Variants in NMD3 observed in about 807,000 individuals in gnomAD.
NMD3 encodes NMD3 ribosome export adaptor.
In NMD3, 47 loss-of-function variants were observed where a neutral mutation model predicts 73.1. The observed-to-expected ratio is 0.64, with a 90% CI of 0.51 to 0.82. The LOEUF is 0.82. NMD3 is among the 40% of genes least tolerant of loss of function. The pLI is 0.00. For missense variants in NMD3, 554 were observed against 612.5 expected (o/e 0.90, Z 1.01); for synonymous variants, 210 against 194.5 (o/e 1.08, Z -0.66).
At chr3:161,224,594 T>C in intron 2 of NMD3, among the ~76,000 whole-genome samples, 1 of 152,102 alleles carries the variant, frequency 6.6e-6, no homozygotes, top group Non-Finnish European at 1.5e-5. Context: ...GGGTTTGATA[T>C]GCATGCCTCA....
chr3:161,230,110 T>G (rs1166811327), intron 4 of NMD3, among the ~76,000 whole-genome samples: 1 of 152,156 alleles, frequency 6.6e-6, no homozygotes, highest in Non-Finnish European at 1.5e-5. Context: ...TGTTATTTTA[T>G]TTTTTGGAGA....
intron 13 of NMD3, 44 bp downstream of exon 13, chr3:161,247,374 T>A: frequency 8.5e-7 from 1 of 1,172,836 alleles, no homozygotes; most frequent in Non-Finnish European, 1.3e-6. Flanking sequence ...TTAAAGAGGA[T>A]GAATGTAACT....
At position 161,235,043 on chromosome 3, in the gene NMD3, C is replaced by G. The variant is rs959606946; in HGVS notation, c.487-79C>G. 8 of 861,696 alleles carry G rather than the reference C, an allele frequency of 9.3e-6. No individual in the cohort carries two copies. The African/African-American group carries it at 1.4e-4, about 15-fold the overall frequency. 53.4% of individuals were successfully genotyped at this position (861,696 alleles called of 1,614,324 possible). On this transcript the variant is annotated intron_variant, in intron 6 of 15. Transcript: ENST00000351193. ...TGTTTGAAAAATCAGTATGCTCTAT[C>G]TGTAGATAGTATGTGTGTCCTATAC...
chr3:161,239,548 C>T (rs1332752413), intron 9 of NMD3, among the ~76,000 whole-genome samples: 1 of 152,106 alleles, frequency 6.6e-6, no homozygotes, highest in Non-Finnish European at 1.5e-5. Flanking sequence ...TCACCTCATT[C>T]TCATCTCATA....
At chr3:161,225,114 G>A in intron 3 of NMD3, 50 bp downstream of exon 3, 3 of 1,544,304 alleles carry the variant, frequency 1.9e-6, no homozygotes, top group East Asian at 2.4e-5. Flanking sequence ...TTTACATTTA[G>A]AGAACCACCG....
At chr3:161,236,021 G>A (rs1415504305) in intron 7 of NMD3, among the ~76,000 whole-genome samples, 1 of 151,506 alleles carries the variant, frequency 6.6e-6, no homozygotes, top group Non-Finnish European at 1.5e-5. Flanking sequence ...ACTCTATTTA[G>A]TTCTGTTTTG....
chr3:161,242,832 GTTAGAC>G (rs768988498), intron 11 of NMD3, among the ~76,000 whole-genome samples, 179 bp downstream of exon 11: 21 of 151,404 alleles, frequency 1.4e-4, no homozygotes, highest in Non-Finnish European at 2.5e-4. Context: ...TGTGGAAATT[GTTAGAC>G]TTAGACTGTT....
At chr3:161,248,241 G>C (rs1737334903) in intron 13 of NMD3, among the ~76,000 whole-genome samples, 1 of 152,012 alleles carries the variant, frequency 6.6e-6, no homozygotes, top group Non-Finnish European at 1.5e-5. Flanking sequence ...TGTAATCCTA[G>C]CACTCTGGGA....
intron 2 of NMD3, among the ~76,000 whole-genome samples, chr3:161,222,678 C>T (rs1293880347): frequency 2.0e-5 from 3 of 151,902 alleles, no homozygotes; most frequent in African/African-American, 4.8e-5. Flanking sequence ...ATCCTGGAAT[C>T]GTTCAGCACA....
chr3:161,233,909 T>G (rs1193614224), intron 5 of NMD3, among the ~76,000 whole-genome samples: 1 of 151,044 alleles, frequency 6.6e-6, no homozygotes, highest in African/African-American at 2.5e-5. Flanking sequence ...TGCATTATAC[T>G]TAACTGGTTG....
At position 161,222,079 on chromosome 3, in the gene NMD3, TC is replaced by T. The variant is rs566292962; in HGVS notation, c.44+27del. On this transcript the variant is annotated intron_variant, in intron 2 of 15. Transcript: ENST00000351193. ...ACATGTGAGTGCGACACTTCTTCCT[TC>T]CCCCTTAAATGTGAAAATCTTCAGT... 1.9e-6 allele frequency: 3 copies of T among 1,592,442 alleles called. No individual in the cohort carries two copies. The East Asian group carries it at 6.7e-5, about 36-fold the overall frequency.
At position 161,249,572 on chromosome 3, in the gene NMD3, C is replaced by G. The variant is rs753616067; in HGVS notation, c.1310+12C>G. 7.0e-7 allele frequency: 1 copy of G among 1,435,220 alleles called. No individual in the cohort carries two copies. The highest frequency in any genetic ancestry group is 2.3e-5 in the East Asian group (1 of 43,360). The allele number at this position is 1,435,220 out of a possible 1,614,324, so 88.9% of individuals were successfully genotyped here. A position where few individuals can be genotyped will look rare whatever the true frequency, so the allele number is the denominator to read the frequency against. ...ACAGATGATGAAAGGTCTCGCTTTTCTTTAAATCTCTTATGTTGTCTCAAA... is the reference window on the plus strand; with the variant it reads ...ACAGATGATGAAAGGTCTCGCTTTTGTTTAAATCTCTTATGTTGTCTCAAA... On this transcript the variant is annotated intron_variant, in intron 14 of 15. Transcript: ENST00000351193.
At position 161,252,154 on chromosome 3, in the gene NMD3, G is replaced by A. The variant is rs1167813461; in HGVS notation, c.*1244G>A. On this transcript the variant is annotated 3_prime_UTR_variant, in exon 16 of 16. Transcript: ENST00000351193. ...ATCTAAAAGCCATATCCTGTCTTTGGTGGTGGCCTGGTAGGAATGGCTTGT... is the reference window on the plus strand; with the variant it reads ...ATCTAAAAGCCATATCCTGTCTTTGATGGTGGCCTGGTAGGAATGGCTTGT... 1 of 151,980 alleles carries A rather than the reference G, an allele frequency of 6.6e-6. No homozygotes were observed. Among genetic ancestry groups the A allele is most frequent in the Non-Finnish European group, 1.5e-5 (1 of 68,020 alleles). 9.4% of individuals were successfully genotyped at this position (151,980 alleles called of 1,614,324 possible). A position where few individuals can be genotyped will look rare whatever the true frequency, so the allele number is the denominator to read the frequency against.
At chr3:161,240,477 A>G (rs1736926026) in intron 9 of NMD3, among the ~76,000 whole-genome samples, 1 of 151,658 alleles carries the variant, frequency 6.6e-6, no homozygotes, top group South Asian at 2.1e-4. Flanking sequence ...AGAGGCATTC[A>G]CACTGCAATA....
intron 2 of NMD3, 54 bp downstream of exon 2, chr3:161,222,111 C>G (rs1480172024): frequency 2.8e-6 from 4 of 1,444,780 alleles, no homozygotes; most frequent in East Asian, 4.5e-5. Context: ...TCAGTGAGCC[C>G]GGGAAACTCA....
At position 161,230,311 on chromosome 3, in the gene NMD3, T is replaced by C. The variant is rs1425115669; in HGVS notation, c.276+2968T>C. 2.0e-5 allele frequency among the ~76,000 whole-genome samples: 3 copies of C among 152,070 alleles called. No individual in the cohort carries two copies. The East Asian group carries it at 5.8e-4, about 29-fold the overall frequency. On this transcript the variant is annotated intron_variant, in intron 4 of 15. Transcript: ENST00000351193. ...GAGATCTCTCTCTTTCTCTCTCTTT[T>C]TGGCCCTGTAGAGCAGAGATCTCAC...
chr3:161,227,394 T>C (rs770438046), intron 4 of NMD3, 51 bp downstream of exon 4: 6 of 1,106,046 alleles, frequency 5.4e-6, no homozygotes, highest in Admixed American at 2.3e-5. Context: ...TCATTAAAGG[T>C]CTCATTTTCA....
At chr3:161,225,115 A>G in intron 3 of NMD3, 51 bp downstream of exon 3, 2 of 1,524,212 alleles carry the variant, frequency 1.3e-6, no homozygotes, top group Non-Finnish European at 1.8e-6. Context: ...TTACATTTAG[A>G]GAACCACCGA....
intron 13 of NMD3, among the ~76,000 whole-genome samples, chr3:161,248,113 G>A (rs1385161495): frequency 6.6e-6 from 1 of 152,056 alleles, no homozygotes; most frequent in Non-Finnish European, 1.5e-5. Flanking sequence ...TCTTGGTGGG[G>A]TAAATCCAAG....
Sources: allele counts gnomAD v4.1 joint callset (sites outside exome capture counted in the v4.1 genomes callset), GRCh38; gene constraint gnomAD v4.1.1; transcripts MANE v1.5; gene names NCBI Gene and HGNC (gene_info 2026-07-23, HGNC 2026-07-21).